The following PCDHA12 variants were observed in gnomAD, a reference collection of about 807,000 sequenced individuals.
The protein encoded by PCDHA12 is protocadherin alpha-12.
Under a neutral mutation model 60.0 loss-of-function variants are expected in PCDHA12, and 44 were observed. That is an observed-to-expected ratio of 0.73 (90% confidence interval 0.58 to 0.94). The LOEUF (loss-of-function observed/expected upper bound fraction) is 0.94. Ranked by LOEUF, PCDHA12 falls within the 40% of genes least tolerant of loss-of-function variation. The pLI is 0.00. For missense variants in PCDHA12, 1,276 were observed against 1,239.7 expected, an observed-to-expected ratio of 1.03 and a Z score of -0.44; for synonymous variants, 569 against 553.0, an observed-to-expected ratio of 1.03 and a Z score of -0.40.
At chr5:140,882,172 T>C (rs1582596670) in intron 1 of PCDHA12, 2 of 1,514,998 alleles carry the variant, frequency 1.3e-6, no homozygotes, top group South Asian at 2.7e-5. Context: ...TGCGAATCCT[T>C]CCGCACTAGG....
chr5:140,890,724 CT>C (rs2062771629), intron 1 of PCDHA12, among the ~76,000 whole-genome samples: 2 of 152,108 alleles, frequency 1.3e-5, no homozygotes, highest in African/African-American at 2.4e-5. Context: ...TTTTTAATCC[CT>C]TTTGACTTAT....
At position 141,009,800 on chromosome 5, in the gene PCDHA12, A is replaced by G. The variant is rs148436868; in HGVS notation, c.2689A>G (p.Ser897Gly). The stretch of plus-strand genomic sequence containing the variant: ...CTCCATCCGGCAGGAGCCTACTAAC[A>G]GCCAAATTGACAAAAGTGACTTCAT... ...IISIRQEPTN[S>G]QIDKSDFITF... The change falls in exon 4 of 4, where the codon AGC (serine) becomes GGC (glycine). Residue 897 changes from serine to glycine, a missense_variant. By Grantham distance (56) the Ser-to-Gly change is moderately conservative (BLOSUM62 0). Coordinates refer to ENST00000398631, the MANE Select transcript of PCDHA12 (RefSeq NM_018903.4). 1.2e-4 allele frequency: 190 copies of G among 1,614,158 alleles called. No individual in the cohort carries two copies. In the African/African-American group the frequency reaches 2.3e-3, roughly 19 times the overall value.
chr5:140,983,924 A>G (rs1554245819), intron 3 of PCDHA12, among the ~76,000 whole-genome samples: 1 of 152,216 alleles, frequency 6.6e-6, no homozygotes, highest in African/African-American at 2.4e-5. Flanking sequence ...AGGATTTGCT[A>G]TTTATGGATG....
At chr5:140,941,718 T>G (rs910042752) in intron 1 of PCDHA12, among the ~76,000 whole-genome samples, 1 of 152,204 alleles carries the variant, frequency 6.6e-6, no homozygotes, top group African/African-American at 2.4e-5. Context: ...CCACAATTTG[T>G]CCTAGCAGTT....
chr5:140,897,636 C>A (rs2066236074), intron 1 of PCDHA12, among the ~76,000 whole-genome samples: 1 of 152,038 alleles, frequency 6.6e-6, no homozygotes, highest in African/African-American at 2.4e-5. Context: ...GTGTATAGTG[C>A]CACAATAAAC....
At chr5:140,942,160 A>G (rs782205493) in intron 1 of PCDHA12, among the ~76,000 whole-genome samples, 11 of 152,218 alleles carry the variant, frequency 7.2e-5, no homozygotes, top group Non-Finnish European at 1.5e-4. Context: ...AACAGCTTCC[A>G]TATTTCTCTA....
chr5:140,951,252 A>AT (rs1488592252), intron 1 of PCDHA12, among the ~76,000 whole-genome samples: 16 of 151,738 alleles, frequency 1.1e-4, no homozygotes, highest in Admixed American at 1.1e-3. Context: ...AATGCATCAC[A>AT]TTTTTCTGGT....
At chr5:140,994,848 T>C (rs1453646097) in intron 3 of PCDHA12, among the ~76,000 whole-genome samples, 2 of 151,686 alleles carry the variant, frequency 1.3e-5, no homozygotes, top group East Asian at 3.9e-4. Flanking sequence ...ATAAGATGAG[T>C]GCATTTGATG....
chr5:140,929,717 A>G (rs1408315390), intron 1 of PCDHA12: 1 of 229,936 alleles, frequency 4.3e-6, no homozygotes, highest in Non-Finnish European at 9.0e-6. Flanking sequence ...ATGGAAGGTG[A>G]AACATTTACT....
intron 1 of PCDHA12, among the ~76,000 whole-genome samples, chr5:140,895,742 G>T (rs2065139471): frequency 6.6e-6 from 1 of 152,110 alleles, no homozygotes; most frequent in South Asian, 2.1e-4. Context: ...GGGCTGCAAA[G>T]GGCATGATCT....
chr5:141,003,452 C>G (rs1554259072), intron 3 of PCDHA12, among the ~76,000 whole-genome samples: 1 of 152,112 alleles, frequency 6.6e-6, no homozygotes, highest in Non-Finnish European at 1.5e-5. Flanking sequence ...GATGAAATTA[C>G]AGGCGTGCAC....
chr5:140,928,161 C>A, intron 1 of PCDHA12: 3 of 1,613,960 alleles, frequency 1.9e-6, no homozygotes, highest in East Asian at 2.2e-5. Context: ...GTGGCTCACC[C>A]CCACTTAGCA....
intron 1 of PCDHA12, chr5:140,881,964 A>G (rs1297923565): frequency 8.1e-6 from 3 of 368,944 alleles, no homozygotes; most frequent in East Asian, 9.0e-5. Context: ...TTAATCTTCA[A>G]TTACATATTT....
rs762916391 is a variant in PCDHA12, at chr5:140,927,929, C to T, written c.2367+50090C>T. 13 of 1,614,090 alleles carry T rather than the reference C, an allele frequency of 8.1e-6. No homozygotes were observed. The highest frequency in any genetic ancestry group is 5.0e-5 in the Admixed American group (3 of 60,008). ...CCCGAACTGGACTTCCTGACTCTTT[C>T]GAACCCAGTACCTGAGGACGCTGCC... On this transcript the variant is annotated intron_variant, in intron 1 of 3. Transcript: ENST00000398631.
chr5:140,926,592 C>A, intron 1 of PCDHA12: 1 of 298,858 alleles, frequency 3.3e-6, no homozygotes, highest in Non-Finnish European at 6.1e-6. Context: ...CGCGCCCGGG[C>A]GGGCGGCCTC....
At chr5:140,923,376 A>T (rs1331786466) in intron 1 of PCDHA12, among the ~76,000 whole-genome samples, 5 of 152,086 alleles carry the variant, frequency 3.3e-5, no homozygotes, top group Non-Finnish European at 7.3e-5. Flanking sequence ...ATATTTTTAA[A>T]AATTAGTTGG....
chr5:140,983,711 G>C (rs2097062291), intron 3 of PCDHA12, among the ~76,000 whole-genome samples: 1 of 152,202 alleles, frequency 6.6e-6, no homozygotes, highest in Non-Finnish European at 1.5e-5. Context: ...AGTATATCTA[G>C]CACTTATATT....
chr5:140,968,949 T>C, intron 1 of PCDHA12: 1 of 1,614,180 alleles, frequency 6.2e-7, no homozygotes, highest in Non-Finnish European at 8.5e-7. Flanking sequence ...ATTTTGAGCA[T>C]CATCAAGTGC....
intron 1 of PCDHA12, among the ~76,000 whole-genome samples, chr5:140,950,807 A>G (rs2094520743): frequency 6.6e-6 from 1 of 152,104 alleles, no homozygotes; most frequent in African/African-American, 2.4e-5. Context: ...TGGTTTTACC[A>G]TAGTAGGGTT....
Sources: gnomAD v4.1 joint callset for allele counts (sites outside exome capture counted in the v4.1 genomes callset) on GRCh38, gnomAD v4.1.1 for gene constraint, MANE v1.5 for transcripts, NCBI Gene and HGNC (gene_info 2026-07-23, HGNC 2026-07-21) for gene names.